The following CREB5 variants were observed in gnomAD, a reference collection of about 807,000 sequenced individuals.
CREB5 encodes cAMP responsive element binding protein 5.
A neutral mutation model predicts 57.1 loss-of-function variants in CREB5; 19 were observed. That is an observed-to-expected ratio of 0.33 (90% confidence interval 0.23 to 0.49). The LOEUF is 0.49. Ranked by LOEUF, CREB5 falls within the 20% of genes least tolerant of loss-of-function variation. CREB5 has a pLI of 0.99. For missense variants in CREB5, 579 were observed against 671.6 expected (o/e 0.86, Z 1.52); for synonymous variants, 238 against 238.3 (o/e 1.00, Z 0.01).
intron 1 of CREB5, among the ~76,000 whole-genome samples, chr7:28,462,210 T>A (rs1402895201): frequency 3.9e-5 from 6 of 152,208 alleles, no homozygotes; most frequent in Non-Finnish European, 7.3e-5. Context: ...TAGCATAACT[T>A]TTTCAAGGTT....
intron 1 of CREB5, among the ~76,000 whole-genome samples, chr7:28,430,472 G>C (rs67047072): frequency 0.027 from 4,146 of 152,256 alleles, 107 homozygotes; most frequent in African/African-American, 0.063. Context: ...AGGAGTCGAT[G>C]GCCATGAATG....
At chr7:28,499,061 T>C (rs1792170490) in intron 3 of CREB5, among the ~76,000 whole-genome samples, 1 of 150,808 alleles carries the variant, frequency 6.6e-6, no homozygotes, top group African/African-American at 2.4e-5. Flanking sequence ...GTAAAGAGGG[T>C]GGTGTTTGAG....
intron 7 of CREB5, among the ~76,000 whole-genome samples, chr7:28,798,270 G>A (rs1808163208): frequency 1.4e-5 from 2 of 146,934 alleles, no homozygotes; most frequent in African/African-American, 5.0e-5. Flanking sequence ...AGCATAAGCA[G>A]TCAGCCTTGT....
intron 4 of CREB5, among the ~76,000 whole-genome samples, chr7:28,554,804 G>A (rs955256186): frequency 5.9e-5 from 9 of 152,204 alleles, no homozygotes; most frequent in African/African-American, 2.2e-4. Context: ...TGTGCCACAA[G>A]CTCTAGGTAT....
At chr7:28,791,963 A>C (rs563415375) in intron 7 of CREB5, among the ~76,000 whole-genome samples, 123 of 152,288 alleles carry the variant, frequency 8.1e-4, no homozygotes, top group Middle Eastern at 3.4e-3. Context: ...ATAGAAATGG[A>C]GACGTAAAAA....
At chr7:28,773,939 G>C (rs1378843218) in intron 7 of CREB5, among the ~76,000 whole-genome samples, 1 of 152,164 alleles carries the variant, frequency 6.6e-6, no homozygotes, top group African/African-American at 2.4e-5. Context: ...GTGGATGGAG[G>C]TGTGTTTTCC....
At chr7:28,640,250 C>T (rs914602963) in intron 5 of CREB5, among the ~76,000 whole-genome samples, 2 of 152,194 alleles carry the variant, frequency 1.3e-5, no homozygotes, top group African/African-American at 4.8e-5. Context: ...GATGGAGCAA[C>T]CTTTACTGCC....
At chr7:28,347,149 T>A (rs1343180485) in intron 1 of CREB5, among the ~76,000 whole-genome samples, 1 of 152,238 alleles carries the variant, frequency 6.6e-6, no homozygotes, top group Non-Finnish European at 1.5e-5. Flanking sequence ...AACAGTCAAA[T>A]CTGCTCATCA....
intron 1 of CREB5, among the ~76,000 whole-genome samples, chr7:28,443,092 C>T (rs554025011): frequency 2.6e-5 from 4 of 152,298 alleles, no homozygotes; most frequent in African/African-American, 9.6e-5. Flanking sequence ...CTACTTGCAA[C>T]CTAATTAGTC....
intron 7 of CREB5, among the ~76,000 whole-genome samples, chr7:28,779,646 G>A (rs1435015662): frequency 6.6e-6 from 1 of 152,100 alleles, no homozygotes; most frequent in Non-Finnish European, 1.5e-5. Flanking sequence ...TAAATAATGA[G>A]TCTTGGTCAT....
rs887266979 is a variant in CREB5, at chr7:28,322,104, G to A, written c.-25+22663G>A. Among the ~76,000 whole-genome samples, 3 of 152,250 alleles carry A rather than the reference G, an allele frequency of 2.0e-5. No homozygotes were observed. In the South Asian group the frequency reaches 6.2e-4, roughly 32 times the overall value. On this transcript the variant is annotated intron_variant, in intron 1 of 9. Coordinates refer to the CREB5 transcript ENST00000396299. ...TCTACCCCAGAGATGTAGTAAAAAA[G>A]TAGCTTTTAAAAAGACCTTTGTGCT...
intron 1 of CREB5, among the ~76,000 whole-genome samples, chr7:28,398,096 C>A (rs1325397975): frequency 6.6e-6 from 1 of 152,114 alleles, no homozygotes; most frequent in Non-Finnish European, 1.5e-5. Flanking sequence ...TAAACAGTAA[C>A]TCCTCATTTC....
At chr7:28,509,359 C>G (rs934820457) in intron 4 of CREB5, among the ~76,000 whole-genome samples, 6 of 152,178 alleles carry the variant, frequency 3.9e-5, no homozygotes, top group Admixed American at 3.3e-4. Context: ...TGAGGAAATT[C>G]TTGCAGATCT....
At chr7:28,723,811 C>A (rs1406079002) in intron 6 of CREB5, among the ~76,000 whole-genome samples, 1 of 152,100 alleles carries the variant, frequency 6.6e-6, no homozygotes, top group African/African-American at 2.4e-5. Flanking sequence ...TAGTAAGTAA[C>A]CTTGGTGATT....
At chr7:28,491,134 C>T (rs1451050617) in intron 2 of CREB5, 16 of 855,890 alleles carry the variant, frequency 1.9e-5, no homozygotes, top group Admixed American at 6.2e-5. Flanking sequence ...AGAACTCTTT[C>T]AAGAGCACTA....
At chr7:28,764,608 A>T (rs775733084) in intron 7 of CREB5, among the ~76,000 whole-genome samples, 1 of 152,204 alleles carries the variant, frequency 6.6e-6, no homozygotes, top group African/African-American at 2.4e-5. Flanking sequence ...TTCTATTTTC[A>T]TATTAGGCTT....
intron 5 of CREB5, among the ~76,000 whole-genome samples, chr7:28,629,589 C>T (rs1425553531): frequency 1.3e-5 from 2 of 152,136 alleles, no homozygotes; most frequent in African/African-American, 4.8e-5. Context: ...ACACGTTGGC[C>T]TTCTAGGGTT....
intron 1 of CREB5, among the ~76,000 whole-genome samples, chr7:28,325,785 TG>T (rs1785587126): frequency 6.6e-6 from 1 of 152,204 alleles, no homozygotes; most frequent in African/African-American, 2.4e-5. Flanking sequence ...ATGTCACCCT[TG>T]TTATTTATGT....
At chr7:28,726,272 C>T (rs1803332711) in intron 7 of CREB5, among the ~76,000 whole-genome samples, 1 of 152,114 alleles carries the variant, frequency 6.6e-6, no homozygotes, top group Non-Finnish European at 1.5e-5. Context: ...CTGCCCCAAG[C>T]TCCCACCTCT....
Sources: allele counts gnomAD v4.1 joint callset (sites outside exome capture counted in the v4.1 genomes callset), GRCh38; gene constraint gnomAD v4.1.1; transcripts MANE v1.5; gene names NCBI Gene and HGNC (gene_info 2026-07-23, HGNC 2026-07-21).